FAM167A: variants seen among roughly 807,000 people sequenced by gnomAD.
FAM167A encodes the protein family with sequence similarity 167 member A.
A neutral mutation model predicts 14.9 loss-of-function variants in FAM167A; 23 were observed. The observed-to-expected ratio is 1.55, with a 90% CI of 1.11 to 2.19. FAM167A has a LOEUF of 2.19. Among genes scored for constraint, FAM167A ranks in the 30% most tolerant of loss-of-function variants. The pLI is 0.00. For synonymous variants in FAM167A, 174 were observed against 117.7 expected (o/e 1.48, Z -3.10); for missense variants, 401 against 281.5 (o/e 1.42, Z -3.04).
At chr8:11,463,657 G>A (rs1024186075) in intron 1 of FAM167A, among the ~76,000 whole-genome samples, 5 of 152,212 alleles carry the variant, frequency 3.3e-5, no homozygotes, top group Admixed American at 2.6e-4. Flanking sequence ...CAAGCCCTGC[G>A]AGGGAGCCCT....
At chr8:11,443,826 C>T in intron 2 of FAM167A, 1 of 612,650 alleles carries the variant, frequency 1.6e-6, no homozygotes. Context: ...CAATTAGGGG[C>T]TGATGACACC....
chr8:11,423,160 G>C lies in FAM167A; in HGVS notation c.*1213C>G, dbSNP rs1804878943. 1 of 152,296 alleles carries C rather than the reference G, an allele frequency of 6.6e-6. No homozygotes were observed. The highest frequency in any genetic ancestry group is 1.5e-5 in the Non-Finnish European group (1 of 68,046). The allele number at this position is 152,296 out of a possible 1,614,324, so 9.4% of individuals were successfully genotyped here. On this transcript the variant is annotated 3_prime_UTR_variant, in exon 3 of 3. Transcript: ENST00000284486. ...CTCGACTAGATGACACCAAAGGTCA[G>C]AAACACTCCTTATCTCAGGATTCTA...
chr8:11,436,531 C>A lies in FAM167A; in HGVS notation c.381+7500G>T, dbSNP rs929431826. ...CCAGTCGGCGGAGGGAGAGAAGACA[C>A]CCCCTAGCAGGGGCTGTCTCCCTGC... On this transcript the variant is annotated intron_variant, in intron 2 of 2. Coordinates refer to ENST00000284486, the MANE Select transcript of FAM167A (RefSeq NM_053279.3). Among the ~76,000 whole-genome samples, 8 of 152,274 alleles carry A rather than the reference C, an allele frequency of 5.3e-5. 1 individual carries two copies. Among genetic ancestry groups the A allele is most frequent in the Admixed American group, 3.9e-4 (6 of 15,300 alleles).
rs572643841 is a variant in FAM167A, at chr8:11,454,874, C to A, written c.-397-10066G>T. 1.9e-3 allele frequency among the ~76,000 whole-genome samples: 284 copies of A among 152,290 alleles called. 2 individuals carry two copies. The highest frequency in any genetic ancestry group is 6.5e-3 in the African/African-American group (272 of 41,554). ...GGCAGCCGAGAGGACAGGGACACAG[C>A]CCTGGGCCCCACAGAGCTGCTGCCG... On this transcript the variant is annotated intron_variant, in intron 1 of 2. Coordinates refer to ENST00000284486, the MANE Select transcript of FAM167A (RefSeq NM_053279.3).
rs765858966 is a variant in FAM167A, at chr8:11,444,103, T to C, written c.309A>G (p.Arg103=). Residue 103 remains arginine (R), a synonymous_variant, in exon 2 of 3, where the codon AGA becomes AGG. Coordinates refer to ENST00000284486, the MANE Select transcript of FAM167A (RefSeq NM_053279.3). ...CTTCCAGCTTGCCAGTGGACAGGGG[T>C]CTGGCACCTTGGCTGGCACTCCTGG... is the stretch of plus-strand genomic sequence containing the variant. ...PSARSASQGA[R]PLSTGKLEGF... is the part of the protein sequence containing the mutation. 147 of 1,613,302 alleles carry C rather than the reference T, an allele frequency of 9.1e-5. No homozygotes were observed. The highest frequency in any genetic ancestry group is 2.7e-5 in the African/African-American group (2 of 74,928).
chr8:11,445,702 G>A (rs1018785907), intron 1 of FAM167A: 8 of 778,604 alleles, frequency 1.0e-5, no homozygotes, highest in Non-Finnish European at 1.2e-5. Context: ...AGAAGAGACC[G>A]CAGCCTCCAG....
intron 1 of FAM167A, among the ~76,000 whole-genome samples, chr8:11,466,023 C>A (rs35592057): frequency 1.3e-5 from 2 of 151,992 alleles, no homozygotes; most frequent in African/African-American, 2.4e-5. Context: ...CACCCTCCCC[C>A]CCGCCGTCTG....
At chr8:11,424,744 C>G in intron 2 of FAM167A, 108 bp from the exon 3 acceptor site, 1 of 1,444,308 alleles carries the variant, frequency 6.9e-7, no homozygotes, top group South Asian at 1.3e-5. Context: ...ATTAAGTGGT[C>G]CATCTAGAAA....
chr8:11,453,110 T>C (rs1371945331), intron 1 of FAM167A, among the ~76,000 whole-genome samples: 1 of 152,200 alleles, frequency 6.6e-6, no homozygotes, highest in Non-Finnish European at 1.5e-5. Context: ...CTTCCTCTCC[T>C]CTGTCCTGCT....
intron 2 of FAM167A, 85 bp downstream of exon 2, chr8:11,443,946 G>T (rs1005284523): frequency 3.4e-6 from 5 of 1,471,254 alleles, no homozygotes; most frequent in Non-Finnish European, 2.8e-6. Flanking sequence ...TGGGGGTGGG[G>T]AGACAGACAG....
chr8:11,441,804 C>A lies in FAM167A; in HGVS notation c.381+2227G>T, dbSNP rs150952660. Among the ~76,000 whole-genome samples, 415 of 152,320 alleles carry A rather than the reference C, an allele frequency of 2.7e-3. 4 individuals carry two copies. Among genetic ancestry groups the A allele is most frequent in the African/African-American group, 9.5e-3 (393 of 41,572 alleles). On this transcript the variant is annotated intron_variant, in intron 2 of 2. Coordinates refer to ENST00000284486, the MANE Select transcript of FAM167A (RefSeq NM_053279.3). Reference sequence around the variant, plus strand: ...TCACGGAATGAGGCTGCAACTCATTCAGTCCTGTTTCTCTCTCTGCCCCCA... The same window carrying A: ...TCACGGAATGAGGCTGCAACTCATTAAGTCCTGTTTCTCTCTCTGCCCCCA...
intron 1 of FAM167A, among the ~76,000 whole-genome samples, chr8:11,448,450 CAT>C (rs1806879502): frequency 6.6e-6 from 1 of 152,214 alleles, no homozygotes; most frequent in African/African-American, 2.4e-5. Flanking sequence ...ATTAAGATGA[CAT>C]AACCTATCAG....
At chr8:11,467,487 A>C (rs1045030893), upstream of FAM167A, 2 of 152,388 alleles carry the variant, frequency 1.3e-5, no homozygotes, top group Admixed American at 1.3e-4. Context: ...GGAGGCCCCA[A>C]GGCTGGTTAC....
upstream of FAM167A, among the ~76,000 whole-genome samples, chr8:11,472,119 T>C (rs187753206): frequency 1.0e-3 from 156 of 152,374 alleles, no homozygotes; most frequent in African/African-American, 3.5e-3. Context: ...TGGGCCTCCC[T>C]TTGTGCATTC....
intron 1 of FAM167A, among the ~76,000 whole-genome samples, chr8:11,448,738 T>G (rs1251228235): frequency 6.6e-6 from 1 of 152,230 alleles, no homozygotes; most frequent in African/African-American, 2.4e-5. Flanking sequence ...ACATTGTGAA[T>G]GCCCCGCCCA....
At chr8:11,428,729 C>G (rs181324786) in intron 2 of FAM167A, among the ~76,000 whole-genome samples, 1 of 152,214 alleles carries the variant, frequency 6.6e-6, no homozygotes, top group African/African-American at 2.4e-5. Flanking sequence ...GGTTTGTCCC[C>G]GTGATGCGGG....
At chr8:11,427,568 C>T (rs767984970) in intron 2 of FAM167A, among the ~76,000 whole-genome samples, 1 of 152,194 alleles carries the variant, frequency 6.6e-6, no homozygotes, top group Non-Finnish European at 1.5e-5. Context: ...AGGCAGTGTT[C>T]TCACTTTCTC....
At chr8:11,440,189 G>C (rs1035846536) in intron 2 of FAM167A, among the ~76,000 whole-genome samples, 1 of 152,194 alleles carries the variant, frequency 6.6e-6, no homozygotes, top group Non-Finnish European at 1.5e-5. Context: ...CTCGCCTGGA[G>C]GAGTCAGGTG....
chr8:11,437,084 T>C (rs758406057), intron 2 of FAM167A, among the ~76,000 whole-genome samples: 44 of 152,226 alleles, frequency 2.9e-4, no homozygotes, highest in Non-Finnish European at 3.7e-4. Flanking sequence ...CTCGGGTACC[T>C]GTCTTCTTGG....
Sources: allele counts gnomAD v4.1 joint callset (sites outside exome capture counted in the v4.1 genomes callset), GRCh38; gene constraint gnomAD v4.1.1; transcripts MANE v1.5; gene names NCBI Gene and HGNC (gene_info 2026-07-23, HGNC 2026-07-21).